Variants in GRID2 observed in about 807,000 individuals in gnomAD.
GRID2 encodes glutamate ionotropic receptor delta type subunit 2, also known as glutamate receptor ionotropic, delta-2.
A neutral mutation model predicts 114.8 loss-of-function variants in GRID2; 33 were observed. That is an observed-to-expected ratio of 0.29 (90% confidence interval 0.22 to 0.38). The LOEUF (loss-of-function observed/expected upper bound fraction) is 0.38, where lower values mean the gene tolerates loss of function less well. Among genes scored for constraint, GRID2 ranks in the 10% least tolerant of loss-of-function variants. GRID2 has a pLI of 1.00. For missense variants in GRID2, 1,184 were observed against 1,257.7 expected (o/e 0.94, Z 0.89); for synonymous variants, 505 against 449.9 (o/e 1.12, Z -1.55).
intron 1 of GRID2, among the ~76,000 whole-genome samples, chr4:93,806,492 C>A (rs1196616394): frequency 6.6e-6 from 1 of 152,162 alleles, no homozygotes; most frequent in Non-Finnish European, 1.5e-5. Context: ...TCTATTGAAC[C>A]AGCAGCCAAT....
chr4:92,921,330 A>G (rs1362823741), intron 2 of GRID2, among the ~76,000 whole-genome samples: 2 of 152,010 alleles, frequency 1.3e-5, no homozygotes, highest in Non-Finnish European at 2.9e-5. Context: ...TGATCGTCTG[A>G]AGCTTTCTTC....
chr4:93,022,137 CAT>C (rs1327865122), intron 2 of GRID2, among the ~76,000 whole-genome samples: 4 of 151,746 alleles, frequency 2.6e-5, no homozygotes, highest in Non-Finnish European at 5.9e-5. Context: ...TTCATAAATA[CAT>C]GTTTGTGTAT....
At chr4:92,863,378 C>A (rs545507956) in intron 2 of GRID2, among the ~76,000 whole-genome samples, 1 of 152,084 alleles carries the variant, frequency 6.6e-6, no homozygotes, top group Non-Finnish European at 1.5e-5. Context: ...CACTTATTCA[C>A]ACCACCGACT....
chr4:92,974,012 C>G (rs1211817365), intron 2 of GRID2, among the ~76,000 whole-genome samples: 2 of 152,012 alleles, frequency 1.3e-5, no homozygotes, highest in Non-Finnish European at 2.9e-5. Context: ...ACAACCCCAT[C>G]AAAAAATAGG....
chr4:92,436,554 G>A (rs1732745222), intron 1 of GRID2, among the ~76,000 whole-genome samples: 1 of 151,834 alleles, frequency 6.6e-6, no homozygotes, highest in African/African-American at 2.4e-5. Context: ...ACTGACATAA[G>A]TATCATTTTG....
chr4:93,483,379 C>G (rs2149449428), intron 11 of GRID2, among the ~76,000 whole-genome samples: 1 of 151,924 alleles, frequency 6.6e-6, no homozygotes, highest in East Asian at 1.9e-4. Context: ...TAGTTTTCTC[C>G]CATTTTTTTC....
At chr4:92,982,823 TAAG>T (rs1304410384) in intron 2 of GRID2, among the ~76,000 whole-genome samples, 1 of 152,156 alleles carries the variant, frequency 6.6e-6, no homozygotes, top group Non-Finnish European at 1.5e-5. Context: ...CAGATTATTT[TAAG>T]AAATAATTTC....
intron 13 of GRID2, among the ~76,000 whole-genome samples, chr4:93,532,638 T>C (rs189467423): frequency 1.3e-5 from 2 of 152,278 alleles, no homozygotes; most frequent in Admixed American, 1.3e-4. Context: ...AATATCAATA[T>C]TCTCCTGCAC....
intron 4 of GRID2, among the ~76,000 whole-genome samples, chr4:93,185,610 CTG>C (rs1045741529): frequency 2.0e-5 from 3 of 152,036 alleles, no homozygotes; most frequent in South Asian, 2.1e-4. Context: ...GACTTTAAAA[CTG>C]TAGATATTAA....
intron 2 of GRID2, among the ~76,000 whole-genome samples, chr4:92,842,900 G>A (rs1298213972): frequency 6.6e-6 from 1 of 151,964 alleles, no homozygotes; most frequent in Non-Finnish European, 1.5e-5. Context: ...GCATTTAGGG[G>A]ATGTGTATTA....
At chr4:93,140,302 G>A (rs1735655941) in intron 4 of GRID2, among the ~76,000 whole-genome samples, 1 of 151,798 alleles carries the variant, frequency 6.6e-6, no homozygotes, top group Admixed American at 6.6e-5. Flanking sequence ...GGGACTACAG[G>A]CGCCCACCAC....
In GRID2 at chr4:93,455,920, T is replaced by C; in HGVS notation, c.1804T>C (p.Ser602Pro). The change falls in exon 11 of 16, where the codon TCT becomes CCT. Residue 602 changes from serine (S) to proline (P), a missense_variant. Physicochemically the swap from Ser to Pro is moderately conservative, Grantham distance 74. This residue lies in a region of GRID2 where 717 missense variants were observed against 796.9 expected (regional missense o/e 0.90). Coordinates refer to ENST00000282020, the MANE Select transcript of GRID2 (RefSeq NM_001510.4). Reference protein sequence around the residue: ...PPRLQMGSMTSTTLYNSMWFV... With the variant: ...PPRLQMGSMTPTTLYNSMWFV... ...ACGATTACAAATGGGATCAATGACG[T>C]CTACTACTCTCTACAACTCCATGTG... The C allele has an allele frequency of 6.2e-7, 1 of 1,611,632 alleles. No individual in the cohort carries two copies.
At chr4:93,255,682 T>A (rs1405904846) in intron 8 of GRID2, among the ~76,000 whole-genome samples, 1 of 152,110 alleles carries the variant, frequency 6.6e-6, no homozygotes, top group Non-Finnish European at 1.5e-5. Flanking sequence ...CCTTGGGTCT[T>A]GTCTCTTTGG....
At chr4:93,262,420 A>T (rs1395524927) in intron 8 of GRID2, among the ~76,000 whole-genome samples, 1 of 151,960 alleles carries the variant, frequency 6.6e-6, no homozygotes, top group Non-Finnish European at 1.5e-5. Context: ...AAGAATATTA[A>T]GGATTGTGGC....
intron 1 of GRID2, among the ~76,000 whole-genome samples, chr4:93,804,910 T>G (rs544841362): frequency 6.6e-6 from 1 of 152,338 alleles, no homozygotes; most frequent in East Asian, 1.9e-4. Context: ...CTTGGTTATG[T>G]GGAATCTTTA....
At chr4:93,403,416 AC>A (rs1301699120) in intron 9 of GRID2, among the ~76,000 whole-genome samples, 1 of 152,140 alleles carries the variant, frequency 6.6e-6, no homozygotes, top group Non-Finnish European at 1.5e-5. Context: ...AAAGAAATGA[AC>A]AAAAAACAAC....
intron 2 of GRID2, among the ~76,000 whole-genome samples, chr4:92,769,881 G>A (rs544745272): frequency 4.0e-4 from 61 of 152,260 alleles, no homozygotes; most frequent in Middle Eastern, 6.8e-3. Flanking sequence ...TACTGTGAAG[G>A]CCTCTGACAG....
intron 2 of GRID2, among the ~76,000 whole-genome samples, chr4:92,886,860 C>T (rs1163816991): frequency 6.6e-6 from 1 of 152,012 alleles, no homozygotes; most frequent in African/African-American, 2.4e-5. Flanking sequence ...AACCTGACCT[C>T]GTGATCCACC....
At chr4:92,975,098 A>G (rs1753777281) in intron 2 of GRID2, among the ~76,000 whole-genome samples, 1 of 140,718 alleles carries the variant, frequency 7.1e-6, no homozygotes, top group Non-Finnish European at 1.5e-5. Context: ...TGGAGCTTGC[A>G]GTGAGCAGAG....
Sources: allele counts gnomAD v4.1 joint callset (sites outside exome capture counted in the v4.1 genomes callset), GRCh38; gene constraint gnomAD v4.1.1; regional missense constraint gnomAD v4.1.1; transcripts MANE v1.5; gene names NCBI Gene and HGNC (gene_info 2026-07-23, HGNC 2026-07-21).